LRRTM4: variants seen among roughly 807,000 people sequenced by gnomAD.
LRRTM4 encodes leucine-rich repeat transmembrane neuronal protein 4.
A neutral mutation model predicts 47.6 loss-of-function variants in LRRTM4; 25 were observed. That is an observed-to-expected ratio of 0.53 (90% CI 0.38 to 0.73). The LOEUF (loss-of-function observed/expected upper bound fraction) is 0.73, where lower values mean the gene tolerates loss of function less well. Ranked by LOEUF, LRRTM4 falls within the 30% of genes least tolerant of loss-of-function variation. LRRTM4 has a pLI of 0.00. For missense variants in LRRTM4, 638 were observed against 713.4 expected (o/e 0.89, Z 1.20); for synonymous variants, 311 against 269.5 (o/e 1.15, Z -1.51).
chr2:77,497,316 TATTA>T (rs1678400800), intron 3 of LRRTM4, among the ~76,000 whole-genome samples: 1 of 151,634 alleles, frequency 6.6e-6, no homozygotes, highest in Admixed American at 6.6e-5. Flanking sequence ...CTGTGAATTT[TATTA>T]ATTATTTTTC....
At chr2:77,173,252 A>C (rs901552991) in intron 3 of LRRTM4, among the ~76,000 whole-genome samples, 6 of 152,326 alleles carry the variant, frequency 3.9e-5, no homozygotes, top group Admixed American at 3.3e-4. Context: ...AATGATTACA[A>C]ATTAATATTG....
intron 3 of LRRTM4, among the ~76,000 whole-genome samples, chr2:77,029,055 ATATATATATATATATAATATATATATAT>A (rs1355144542): frequency 1.3e-4 from 19 of 143,990 alleles, no homozygotes; most frequent in Non-Finnish European, 3.0e-5. Context: ...ACACACAAAT[ATATATATATATATATAATATATATATAT>A]TATATATATA....
At chr2:77,054,664 T>C (rs1028014256) in intron 3 of LRRTM4, among the ~76,000 whole-genome samples, 5 of 152,206 alleles carry the variant, frequency 3.3e-5, no homozygotes, top group Non-Finnish European at 7.3e-5. Flanking sequence ...TTTGGCTTAA[T>C]GACTCCCATT....
chr2:77,140,478 G>T (rs1350424382), intron 3 of LRRTM4, among the ~76,000 whole-genome samples: 1 of 152,280 alleles, frequency 6.6e-6, no homozygotes, highest in African/African-American at 2.4e-5. Context: ...ATTAATTCAA[G>T]ATGGATTAAA....
chr2:77,503,490 T>A (rs1018952947), intron 3 of LRRTM4, among the ~76,000 whole-genome samples: 1 of 151,686 alleles, frequency 6.6e-6, no homozygotes, highest in South Asian at 2.1e-4. Context: ...AATTCAGGTG[T>A]CAAATAAGAA....
intron 3 of LRRTM4, among the ~76,000 whole-genome samples, chr2:77,142,072 G>A (rs1040056408): frequency 6.6e-6 from 1 of 152,212 alleles, no homozygotes; most frequent in African/African-American, 2.4e-5. Context: ...TATAGACAGA[G>A]CACAAGTAAT....
intron 3 of LRRTM4, among the ~76,000 whole-genome samples, chr2:77,220,588 T>C (rs1386452547): frequency 6.6e-6 from 1 of 152,070 alleles, no homozygotes; most frequent in East Asian, 1.9e-4. Context: ...TGTGATCAAC[T>C]GGAAGAAAGG....
At chr2:76,925,613 T>C (rs1007999444) in intron 3 of LRRTM4, among the ~76,000 whole-genome samples, 33 of 152,134 alleles carry the variant, frequency 2.2e-4, no homozygotes, top group African/African-American at 7.2e-5. Flanking sequence ...AATTTCCATT[T>C]TTGGTCATAT....
chr2:77,512,071 C>T (rs546343990), intron 3 of LRRTM4, among the ~76,000 whole-genome samples: 37 of 152,224 alleles, frequency 2.4e-4, no homozygotes, highest in African/African-American at 8.7e-4. Flanking sequence ...GATCTTCCTA[C>T]GTTAGCCTCA....
chr2:76,949,409 A>C (rs541537207), intron 3 of LRRTM4, among the ~76,000 whole-genome samples: 1 of 152,058 alleles, frequency 6.6e-6, no homozygotes, highest in African/African-American at 2.4e-5. Flanking sequence ...AGCTCAATAT[A>C]ATGCAAGGTA....
chr2:77,498,776 T>C (rs912356128), intron 3 of LRRTM4, among the ~76,000 whole-genome samples: 1 of 151,868 alleles, frequency 6.6e-6, no homozygotes, highest in East Asian at 1.9e-4. Context: ...AACAGGACTA[T>C]TATTGTTTTG....
At chr2:76,918,073 T>C (rs915196297) in intron 3 of LRRTM4, among the ~76,000 whole-genome samples, 6 of 152,208 alleles carry the variant, frequency 3.9e-5, no homozygotes, top group Non-Finnish European at 7.3e-5. Context: ...AAGGTAGTAG[T>C]TGCTTTTCCA....
chr2:76,786,028 T>C (rs1270759242), intron 3 of LRRTM4, among the ~76,000 whole-genome samples: 4 of 152,184 alleles, frequency 2.6e-5, no homozygotes, highest in Non-Finnish European at 5.9e-5. Context: ...ATCTTTTTAA[T>C]AGCTTGTGAA....
At chr2:77,490,079 A>G (rs887591610) in intron 3 of LRRTM4, among the ~76,000 whole-genome samples, 5 of 152,148 alleles carry the variant, frequency 3.3e-5, no homozygotes, top group Non-Finnish European at 7.4e-5. Context: ...GTGAAACCCC[A>G]TCTCTACTAA....
chr2:77,331,411 C>T lies in LRRTM4; in HGVS notation c.1551+186907G>A, dbSNP rs554453715. On this transcript the variant is annotated intron_variant, in intron 3 of 3. Transcript: ENST00000409884. ...GCTGGGGTAGTGGGATAGAGGGCAG[C>T]GATTATCCAGGCCTACTCTAAGAAT... Among the ~76,000 whole-genome samples, 16 of 152,170 alleles carry T rather than the reference C, an allele frequency of 1.1e-4. No individual in the cohort carries two copies. The South Asian group carries it at 1.2e-3, about 12-fold the overall frequency.
intron 3 of LRRTM4, among the ~76,000 whole-genome samples, chr2:77,156,345 G>T (rs1219144408): frequency 1.4e-5 from 2 of 143,556 alleles, no homozygotes; most frequent in African/African-American, 2.5e-5. Context: ...ACAGAAAAAA[G>T]TCATATTTGA....
At chr2:77,441,773 C>T (rs1675852151) in intron 3 of LRRTM4, among the ~76,000 whole-genome samples, 2 of 152,098 alleles carry the variant, frequency 1.3e-5, no homozygotes, top group African/African-American at 2.4e-5. Flanking sequence ...ACATAGTTTT[C>T]CTTGCTTGAA....
rs746427453 is a variant in LRRTM4 at position 77,171,810 on chromosome 2, T to C, written c.1551+346508A>G. Among the ~76,000 whole-genome samples the C allele has an allele frequency of 6.2e-4, 95 of 152,232 alleles. 1 individual carries two copies. The highest frequency in any genetic ancestry group is 1.0e-3 in the South Asian group (5 of 4,832). The stretch of plus-strand genomic sequence containing the variant: ...ATAAAAGAAAAAGTCATGAAAGGCA[T>C]TGCTCTTTATATAATTAGAATTATG... On this transcript the variant is annotated intron_variant, in intron 3 of 3. Coordinates refer to ENST00000409884, the MANE Select transcript of LRRTM4 (RefSeq NM_001134745.3).
At chr2:77,456,000 G>A (rs1442292511) in intron 3 of LRRTM4, among the ~76,000 whole-genome samples, 1 of 151,992 alleles carries the variant, frequency 6.6e-6, no homozygotes, top group Non-Finnish European at 1.5e-5. Flanking sequence ...GATTGATGTA[G>A]ACTCTCTGTA....
Sources: allele counts gnomAD v4.1 joint callset (sites outside exome capture counted in the v4.1 genomes callset), GRCh38; gene constraint gnomAD v4.1.1; transcripts MANE v1.5; gene names NCBI Gene and HGNC (gene_info 2026-07-23, HGNC 2026-07-21).